The following CNTNAP2 variants were observed in gnomAD, a reference collection of about 807,000 sequenced individuals.
The protein encoded by CNTNAP2 is contactin associated protein 2.
In CNTNAP2, 98 loss-of-function variants were observed where a neutral mutation model predicts 155.2. The ratio of observed to expected loss-of-function variants is 0.63; its 90% confidence interval spans 0.54 to 0.75. The LOEUF is 0.75. Among genes scored for constraint, CNTNAP2 ranks in the 30% least tolerant of loss-of-function variants. The pLI, the probability that CNTNAP2 is intolerant of heterozygous loss-of-function variation, is 0.00. For missense variants in CNTNAP2, 1,727 were observed against 1,688.1 expected (o/e 1.02, Z -0.40); for synonymous variants, 651 against 631.2 (o/e 1.03, Z -0.47).
At chr7:147,014,342 T>G (rs1714426407) in intron 3 of CNTNAP2, among the ~76,000 whole-genome samples, 1 of 152,156 alleles carries the variant, frequency 6.6e-6, no homozygotes, top group South Asian at 2.1e-4. Flanking sequence ...CCTAGTAATT[T>G]GTAATACATT....
intron 12 of CNTNAP2, among the ~76,000 whole-genome samples, chr7:147,562,833 T>G (rs1800090593): frequency 6.6e-6 from 1 of 152,218 alleles, no homozygotes; most frequent in Non-Finnish European, 1.5e-5. Flanking sequence ...CACAACAATG[T>G]GTAAAATGTG....
In CNTNAP2 at chr7:146,477,173, GT is replaced by G. The variant is rs1448437716; in HGVS notation, c.98-297094del. ...AACAACTCAGTATTTGAAAATCCATGTTTTAGTTTCAACTGAACCACTACCT... is the reference window on the plus strand; with the variant it reads ...AACAACTCAGTATTTGAAAATCCATGTTTAGTTTCAACTGAACCACTACCT... On this transcript the variant is annotated intron_variant, in intron 1 of 23. Transcript: ENST00000361727. Among the ~76,000 whole-genome samples the G allele has an allele frequency of 3.9e-5, 6 of 152,256 alleles. No homozygotes were observed. The East Asian group carries it at 1.2e-3, about 29-fold the overall frequency.
chr7:147,801,384 AG>A (rs1463301457), intron 13 of CNTNAP2, among the ~76,000 whole-genome samples: 1 of 145,472 alleles, frequency 6.9e-6, no homozygotes, highest in Non-Finnish European at 1.5e-5. Flanking sequence ...GGGATTTGGC[AG>A]GGTCATAGGA....
intron 13 of CNTNAP2, among the ~76,000 whole-genome samples, chr7:147,797,425 G>T (rs771185584): frequency 3.3e-5 from 5 of 152,022 alleles, no homozygotes; most frequent in Non-Finnish European, 5.9e-5. Context: ...ATCTAAAAAT[G>T]GGAAGTATTT....
At chr7:146,845,164 A>G (rs749431925) in intron 3 of CNTNAP2, among the ~76,000 whole-genome samples, 4 of 152,198 alleles carry the variant, frequency 2.6e-5, no homozygotes, top group Admixed American at 1.3e-4. Context: ...TTTATGAAAC[A>G]TTTGGATTTT....
At chr7:147,487,057 C>T (rs1798522408) in intron 11 of CNTNAP2, among the ~76,000 whole-genome samples, 1 of 152,152 alleles carries the variant, frequency 6.6e-6, no homozygotes, top group Admixed American at 6.6e-5. Flanking sequence ...CAAACTATCT[C>T]AGAGTAGAGC....
chr7:146,907,521 C>A (rs1265595557), intron 3 of CNTNAP2, among the ~76,000 whole-genome samples: 1 of 135,294 alleles, frequency 7.4e-6, no homozygotes, highest in Non-Finnish European at 1.6e-5. Flanking sequence ...AAAGAATTTT[C>A]AACCCAGAAT....
intron 1 of CNTNAP2, among the ~76,000 whole-genome samples, chr7:146,252,497 T>TG (rs1799771112): frequency 6.6e-6 from 1 of 152,140 alleles, no homozygotes; most frequent in Non-Finnish European, 1.5e-5. Context: ...CTACTCTGTT[T>TG]TCGGAAATAC....
At chr7:147,128,556 G>T (rs1801284121) in intron 6 of CNTNAP2, 137 bp from the exon 7 acceptor site, 2 of 887,830 alleles carry the variant, frequency 2.3e-6, no homozygotes, top group Middle Eastern at 3.3e-4. Context: ...ATATGCCATA[G>T]ATTTTGGAGG....
At chr7:147,347,307 G>T (rs1795880853) in intron 9 of CNTNAP2, among the ~76,000 whole-genome samples, 1 of 151,554 alleles carries the variant, frequency 6.6e-6, no homozygotes. Flanking sequence ...CTTGTGTTAG[G>T]ACAAAACACA....
In CNTNAP2 at chr7:147,748,922, T is replaced by C. The variant is rs1797090469; in HGVS notation, c.2098+109616T>C. Among the ~76,000 whole-genome samples the C allele has an allele frequency of 2.0e-5, 3 of 152,150 alleles. 1 individual carries two copies. Among genetic ancestry groups the C allele is most frequent in the Admixed American group, 6.5e-5 (1 of 15,272 alleles). ...GAAACATTTCCTACAGATCTGCATG[T>C]AGGGATCTGAACAAGACATAAGTCA... On this transcript the variant is annotated intron_variant, in intron 13 of 23. Transcript: ENST00000361727.
chr7:146,666,665 G>A (rs554269947), intron 1 of CNTNAP2, among the ~76,000 whole-genome samples: 20 of 152,152 alleles, frequency 1.3e-4, no homozygotes, highest in African/African-American at 3.9e-4. Context: ...CATTGGTTAC[G>A]TTTTGTCTTT....
intron 10 of CNTNAP2, among the ~76,000 whole-genome samples, chr7:147,484,492 A>G (rs1044683716): frequency 2.6e-5 from 4 of 152,176 alleles, no homozygotes; most frequent in Admixed American, 6.5e-5. Flanking sequence ...ATCTACTTCT[A>G]TATGAACTAT....
intron 11 of CNTNAP2, among the ~76,000 whole-genome samples, chr7:147,500,719 A>G (rs1395951688): frequency 1.3e-5 from 2 of 152,234 alleles, no homozygotes; most frequent in Non-Finnish European, 2.9e-5. Context: ...TTGCTACATA[A>G]GAGAAGCTTT....
At chr7:147,820,270 T>C (rs948037234) in intron 13 of CNTNAP2, among the ~76,000 whole-genome samples, 3 of 152,112 alleles carry the variant, frequency 2.0e-5, no homozygotes, top group Non-Finnish European at 4.4e-5. Flanking sequence ...CTGGGCACTG[T>C]TTTATTTGCT....
intron 1 of CNTNAP2, among the ~76,000 whole-genome samples, chr7:146,721,380 C>T (rs1246414985): frequency 9.0e-6 from 1 of 111,692 alleles, no homozygotes; most frequent in Admixed American, 9.3e-5. Context: ...TATATACATT[C>T]TATATACATT....
chr7:147,170,771 C>A (rs919845441), intron 8 of CNTNAP2, among the ~76,000 whole-genome samples: 10 of 152,184 alleles, frequency 6.6e-5, no homozygotes, highest in African/African-American at 2.2e-4. Context: ...TGGAACACAG[C>A]ACCCAGGCTG....
chr7:146,255,575 A>T (rs1050645473), intron 1 of CNTNAP2, among the ~76,000 whole-genome samples: 10 of 152,204 alleles, frequency 6.6e-5, no homozygotes, highest in African/African-American at 2.4e-4. Context: ...AATGAATAGG[A>T]AAAGCATGCA....
At chr7:147,204,150 A>C (rs1371850232) in intron 8 of CNTNAP2, among the ~76,000 whole-genome samples, 1 of 151,942 alleles carries the variant, frequency 6.6e-6, no homozygotes, top group Non-Finnish European at 1.5e-5. Context: ...TAATAGGATG[A>C]TATAGATTAT....
Sources: allele counts gnomAD v4.1 joint callset (sites outside exome capture counted in the v4.1 genomes callset), GRCh38; gene constraint gnomAD v4.1.1; transcripts MANE v1.5; gene names NCBI Gene and HGNC (gene_info 2026-07-23, HGNC 2026-07-21).